Variants in XKR6 observed in about 807,000 individuals in gnomAD.
XKR6 encodes the protein XK-related protein 6.
In XKR6, 22 loss-of-function variants were observed where a neutral mutation model predicts 56.7. The observed-to-expected ratio is 0.39, with a 90% confidence interval of 0.28 to 0.55. The LOEUF is 0.55. Among genes scored for constraint, XKR6 ranks in the 20% least tolerant of loss-of-function variants. XKR6 has a pLI of 0.66. For synonymous variants in XKR6, 524 were observed against 387.8 expected (o/e 1.35, Z -4.13); for missense variants, 852 against 889.0 (o/e 0.96, Z 0.53).
At chr8:10,910,686 G>C (rs1295692569) in intron 2 of XKR6, among the ~76,000 whole-genome samples, 2 of 152,178 alleles carry the variant, frequency 1.3e-5, no homozygotes. Context: ...GGAGTTCCAA[G>C]GTCAAACACC....
rs1260231733 is a variant in XKR6 at position 11,024,204 on chromosome 8, G to GGGGT, written c.765-99375_765-99374insACCC. Among the ~76,000 whole-genome samples the GGGGT allele has an allele frequency of 9.1e-3, 1,251 of 136,904 alleles. 18 individuals carry two copies. Among genetic ancestry groups the GGGGT allele is most frequent in the African/African-American group, 0.031 (1,162 of 37,378 alleles). 89.8% of individuals were successfully genotyped at this position (136,904 alleles called of 152,430 possible). On this transcript the variant is annotated intron_variant, in intron 1 of 2. Transcript: ENST00000416569. ...GTTGCAGACAACATACCTGTTAGGA[G>GGGGT]GTGTGTGTGTGTGTGTGTGTGTGTG...
intron 1 of XKR6, among the ~76,000 whole-genome samples, chr8:11,173,239 G>C (rs1054820332): frequency 3.3e-5 from 5 of 151,450 alleles, no homozygotes; most frequent in African/African-American, 1.2e-4. Context: ...AGCTACTCAG[G>C]AGGCTGAGGC....
intron 1 of XKR6, chr8:11,108,010 T>C (rs1464834398): frequency 1.2e-5 from 4 of 320,734 alleles, no homozygotes; most frequent in Non-Finnish European, 2.4e-5. Flanking sequence ...GGCTGCTTCA[T>C]TTTTCCACGA....
At chr8:11,035,323 G>A (rs1193004033) in intron 1 of XKR6, 1 of 534,682 alleles carries the variant, frequency 1.9e-6, no homozygotes, top group African/African-American at 1.9e-5. Flanking sequence ...CGTTGTGGCA[G>A]CTTGGGCCCC....
At chr8:11,091,948 C>G (rs983228163) in intron 1 of XKR6, among the ~76,000 whole-genome samples, 2 of 152,192 alleles carry the variant, frequency 1.3e-5, no homozygotes, top group South Asian at 4.1e-4. Context: ...ATTTCTTATA[C>G]AGATCCACCA....
chr8:10,990,016 A>G (rs535066283), intron 1 of XKR6, among the ~76,000 whole-genome samples: 7 of 152,330 alleles, frequency 4.6e-5, no homozygotes, highest in African/African-American at 1.7e-4. Flanking sequence ...CGGGTTATGG[A>G]CACTGCTTCT....
intron 1 of XKR6, among the ~76,000 whole-genome samples, chr8:11,119,013 T>C (rs1174829657): frequency 6.6e-6 from 1 of 152,184 alleles, no homozygotes; most frequent in Non-Finnish European, 1.5e-5. Flanking sequence ...GTTGTGTCTT[T>C]GTTCTCGTTG....
intron 1 of XKR6, among the ~76,000 whole-genome samples, chr8:10,925,747 G>A (rs1800863540): frequency 6.6e-6 from 1 of 152,184 alleles, no homozygotes; most frequent in South Asian, 2.1e-4. Flanking sequence ...AGGGTGCATG[G>A]GAAGATTAGT....
At chr8:10,949,132 C>T (rs1374667528) in intron 1 of XKR6, among the ~76,000 whole-genome samples, 1 of 152,234 alleles carries the variant, frequency 6.6e-6, no homozygotes, top group African/African-American at 2.4e-5. Context: ...GCTGGAGGAG[C>T]CTGGGCCCCG....
chr8:11,076,404 G>A (rs565450417), intron 1 of XKR6, among the ~76,000 whole-genome samples: 30 of 152,196 alleles, frequency 2.0e-4, no homozygotes, highest in African/African-American at 5.5e-4. Flanking sequence ...CATATTTTAC[G>A]ATCGTGACTT....
At chr8:10,910,900 T>A (rs897529859) in intron 2 of XKR6, among the ~76,000 whole-genome samples, 3 of 152,200 alleles carry the variant, frequency 2.0e-5, no homozygotes, top group African/African-American at 7.2e-5. Context: ...CTGGCTGGCC[T>A]GGAGCAAACT....
At chr8:11,134,202 C>G (rs1033276698) in intron 1 of XKR6, among the ~76,000 whole-genome samples, 1 of 152,134 alleles carries the variant, frequency 6.6e-6, no homozygotes, top group Admixed American at 6.5e-5. Context: ...TCTATGTCCC[C>G]AAACAACCCT....
At chr8:11,112,177 C>T (rs1798927260) in intron 1 of XKR6, among the ~76,000 whole-genome samples, 1 of 152,150 alleles carries the variant, frequency 6.6e-6, no homozygotes, top group South Asian at 2.1e-4. Flanking sequence ...TTTAAAGTGG[C>T]ATTAGTTCTG....
intron 1 of XKR6, among the ~76,000 whole-genome samples, chr8:11,186,813 G>C (rs984296922): frequency 6.6e-6 from 1 of 152,152 alleles, no homozygotes; most frequent in Non-Finnish European, 1.5e-5. Context: ...AAACAATACT[G>C]TTCTACTGTG....
rs996127614 is a variant in XKR6, at chr8:11,040,345, G to T, written c.765-115515C>A. 2.9e-5 allele frequency among the ~76,000 whole-genome samples: 4 copies of T among 135,642 alleles called. No homozygotes were observed. The Admixed American group carries it at 3.1e-4, about 11-fold the overall frequency. The allele number at this position is 135,642 out of a possible 152,430, so 89.0% of individuals were successfully genotyped here. On this transcript the variant is annotated intron_variant, in intron 1 of 2. Transcript: ENST00000416569. ...GAGACCAGCCGGGGCAACATAAGCA[G>T]ATCTCATGTCTGCTAAAAAAAAAAA... is the stretch of plus-strand genomic sequence containing the variant.
intron 1 of XKR6, among the ~76,000 whole-genome samples, chr8:11,094,587 C>T (rs1369948219): frequency 1.3e-5 from 2 of 152,168 alleles, no homozygotes; most frequent in Non-Finnish European, 1.5e-5. Flanking sequence ...AACCCTCTGT[C>T]TCCCAAATAC....
At chr8:11,182,955 G>C (rs1188409470) in intron 1 of XKR6, among the ~76,000 whole-genome samples, 1 of 152,176 alleles carries the variant, frequency 6.6e-6, no homozygotes, top group Non-Finnish European at 1.5e-5. Context: ...TTTGTAAGTG[G>C]AATCACATAG....
At chr8:10,998,593 C>A (rs1798168407) in intron 1 of XKR6, among the ~76,000 whole-genome samples, 1 of 152,190 alleles carries the variant, frequency 6.6e-6, no homozygotes, top group Admixed American at 6.5e-5. Context: ...AGGCAGAGAC[C>A]TGGGTTCTGT....
At chr8:10,928,560 GC>G (rs564220296) in intron 1 of XKR6, among the ~76,000 whole-genome samples, 5,317 of 152,334 alleles carry the variant, frequency 0.035, 130 homozygotes, top group Non-Finnish European at 0.052. Context: ...GCCGCCTCCT[GC>G]AGAGTCTCCC....
Sources: allele counts gnomAD v4.1 joint callset (sites outside exome capture counted in the v4.1 genomes callset), GRCh38; gene constraint gnomAD v4.1.1; transcripts MANE v1.5; gene names NCBI Gene and HGNC (gene_info 2026-07-23, HGNC 2026-07-21).